WWOX: variants seen among roughly 807,000 people sequenced by gnomAD.
The protein encoded by WWOX is WW domain-containing oxidoreductase.
In WWOX, 69 loss-of-function variants were observed where a neutral mutation model predicts 46.2. The ratio of observed to expected loss-of-function variants is 1.49; its 90% CI spans 1.23 to 1.82. WWOX has a LOEUF of 1.82. Among genes scored for constraint, WWOX ranks in the 40% most tolerant of loss-of-function variants. WWOX has a pLI of 0.00. For missense variants in WWOX, 919 were observed against 542.6 expected (o/e 1.69, Z -6.89); for synonymous variants, 359 against 202.6 (o/e 1.77, Z -6.56).
intron 8 of WWOX, among the ~76,000 whole-genome samples, chr16:78,845,909 G>C (rs766828235): frequency 6.6e-6 from 1 of 152,196 alleles, no homozygotes; most frequent in Non-Finnish European, 1.5e-5. Flanking sequence ...ATTTAAGGTA[G>C]ATGGGTTTAT....
At chr16:78,327,599 G>C (rs1328833493) in intron 5 of WWOX, among the ~76,000 whole-genome samples, 1 of 152,064 alleles carries the variant, frequency 6.6e-6, no homozygotes, top group African/African-American at 2.4e-5. Flanking sequence ...ACTCCCACTG[G>C]AAAACCTCTT....
intron 6 of WWOX, among the ~76,000 whole-genome samples, chr16:78,417,040 G>GGTGTGTGTGTGT (rs143606762): frequency 7.3e-5 from 11 of 151,264 alleles, no homozygotes; most frequent in African/African-American, 2.2e-4. Flanking sequence ...ACCCTTTGGG[G>GGTGTGTGTGTGT]GTGTGTGTGT....
At chr16:78,968,329 C>A (rs182865951) in intron 8 of WWOX, among the ~76,000 whole-genome samples, 1 of 152,170 alleles carries the variant, frequency 6.6e-6, no homozygotes, top group Non-Finnish European at 1.5e-5. Flanking sequence ...ACCACCGACC[C>A]GAGGCAGGAA....
chr16:79,074,337 A>AAAC (rs1459116795), intron 8 of WWOX, among the ~76,000 whole-genome samples: 1 of 150,188 alleles, frequency 6.7e-6, no homozygotes, highest in African/African-American at 2.4e-5. Flanking sequence ...TGAGAGAAGT[A>AAAC]AACATCTGAC....
At chr16:78,648,066 C>G (rs560481690) in intron 8 of WWOX, among the ~76,000 whole-genome samples, 1 of 152,356 alleles carries the variant, frequency 6.6e-6, no homozygotes, top group South Asian at 2.1e-4. Context: ...TCACCCAGAA[C>G]AGGTGTGTGC....
intron 8 of WWOX, among the ~76,000 whole-genome samples, chr16:78,872,065 A>G (rs2044140922): frequency 6.6e-6 from 1 of 152,232 alleles, no homozygotes; most frequent in Non-Finnish European, 1.5e-5. Context: ...CCTTCTAACC[A>G]GTGTTTGAAG....
At chr16:78,709,311 A>G (rs2048389214) in intron 8 of WWOX, among the ~76,000 whole-genome samples, 1 of 152,200 alleles carries the variant, frequency 6.6e-6, no homozygotes, top group South Asian at 2.1e-4. Flanking sequence ...AACTCATTTA[A>G]CTTACGTAGT....
intron 8 of WWOX, among the ~76,000 whole-genome samples, chr16:78,698,194 C>G (rs1418508901): frequency 6.6e-6 from 1 of 152,142 alleles, no homozygotes; most frequent in African/African-American, 2.4e-5. Flanking sequence ...ACATTCTGAA[C>G]AAGGTCAGAC....
chr16:78,928,234 G>A (rs574809607), intron 8 of WWOX, among the ~76,000 whole-genome samples: 11 of 137,174 alleles, frequency 8.0e-5, no homozygotes, highest in South Asian at 6.8e-4. Flanking sequence ...ACGGAGTCTC[G>A]CTCTGTCGCC....
At chr16:78,976,092 T>C (rs915468854) in intron 8 of WWOX, among the ~76,000 whole-genome samples, 1 of 152,220 alleles carries the variant, frequency 6.6e-6, no homozygotes, top group African/African-American at 2.4e-5. Flanking sequence ...TCCATCCGAA[T>C]GACAATTTCA....
At chr16:78,848,550 T>C (rs2052358980) in intron 8 of WWOX, among the ~76,000 whole-genome samples, 1 of 152,156 alleles carries the variant, frequency 6.6e-6, no homozygotes, top group African/African-American at 2.4e-5. Flanking sequence ...TATGTGGTGT[T>C]GCCTAAGGGT....
intron 8 of WWOX, among the ~76,000 whole-genome samples, chr16:79,053,051 G>A (rs367893663): frequency 3.0e-4 from 46 of 152,116 alleles, no homozygotes; most frequent in African/African-American, 9.9e-4. Context: ...GTAATTAGAT[G>A]CCCTTTAGAT....
intron 5 of WWOX, among the ~76,000 whole-genome samples, chr16:78,325,078 T>G (rs148827696): frequency 6.6e-6 from 1 of 152,300 alleles, no homozygotes; most frequent in African/African-American, 2.4e-5. Flanking sequence ...TGTGAGAGCC[T>G]CAAGTCTCTG....
intron 8 of WWOX, among the ~76,000 whole-genome samples, chr16:79,090,649 C>G (rs771063744): frequency 1.3e-5 from 2 of 152,020 alleles, no homozygotes; most frequent in Non-Finnish European, 2.9e-5. Context: ...GATTCCTGTC[C>G]GAAGAGGTGC....
chr16:78,938,532 G>A (rs1285187330), intron 8 of WWOX, among the ~76,000 whole-genome samples: 11 of 151,872 alleles, frequency 7.2e-5, no homozygotes, highest in Admixed American at 3.3e-4. Context: ...CTGTCCCGTC[G>A]GTATTAGCAA....
At chr16:78,714,194 C>G (rs527609135) in intron 8 of WWOX, among the ~76,000 whole-genome samples, 1 of 152,134 alleles carries the variant, frequency 6.6e-6, no homozygotes, top group African/African-American at 2.4e-5. Context: ...TTAGTCTATT[C>G]TCACACTGCT....
chr16:78,849,523 G>A (rs1193633017), intron 8 of WWOX, among the ~76,000 whole-genome samples: 1 of 142,058 alleles, frequency 7.0e-6, no homozygotes, highest in Non-Finnish European at 1.5e-5. Context: ...GCAGTGAGCG[G>A]AGATCGTGAC....
chr16:78,889,970 G>A (rs2044552326), intron 8 of WWOX, among the ~76,000 whole-genome samples: 1 of 152,064 alleles, frequency 6.6e-6, no homozygotes, highest in Non-Finnish European at 1.5e-5. Flanking sequence ...TCTTCTTTCA[G>A]AAAATGAATC....
intron 8 of WWOX, among the ~76,000 whole-genome samples, chr16:78,733,072 C>T (rs2049003697): frequency 6.6e-6 from 1 of 152,142 alleles, no homozygotes; most frequent in Non-Finnish European, 1.5e-5. Context: ...AAACCATGTT[C>T]CCCAAACTTC....
Sources: gnomAD v4.1 joint callset for allele counts (sites outside exome capture counted in the v4.1 genomes callset) on GRCh38, gnomAD v4.1.1 for gene constraint, MANE v1.5 for transcripts, NCBI Gene and HGNC (gene_info 2026-07-23, HGNC 2026-07-21) for gene names.